The following SMYD3 variants were observed in gnomAD, a reference collection of about 807,000 sequenced individuals.
SMYD3 encodes the protein histone-lysine N-methyltransferase SMYD3.
In SMYD3, 36 loss-of-function variants were observed where a neutral mutation model predicts 57.7. The observed-to-expected ratio is 0.62, with a 90% CI of 0.48 to 0.82. SMYD3 has a LOEUF of 0.82. Among genes scored for constraint, SMYD3 ranks in the 40% least tolerant of loss-of-function variants. The pLI, the probability that SMYD3 is intolerant of heterozygous loss-of-function variation, is 0.00. For missense variants in SMYD3, 515 were observed against 538.8 expected (o/e 0.96, Z 0.44); for synonymous variants, 211 against 195.0 (o/e 1.08, Z -0.68).
intron 5 of SMYD3, among the ~76,000 whole-genome samples, chr1:246,102,330 T>C (rs2061029531): frequency 6.6e-6 from 1 of 152,204 alleles, no homozygotes. Context: ...CCTGAACCAC[T>C]GCACCGTCTC....
intron 5 of SMYD3, among the ~76,000 whole-genome samples, chr1:246,085,540 A>G (rs779961394): frequency 1.9e-4 from 29 of 152,164 alleles, no homozygotes; most frequent in Non-Finnish European, 3.2e-4. Context: ...GGGCATCCTT[A>G]TCTCCAAACA....
At chr1:245,924,159 T>C (rs950183971) in intron 7 of SMYD3, among the ~76,000 whole-genome samples, 1 of 152,212 alleles carries the variant, frequency 6.6e-6, no homozygotes, top group African/African-American at 2.4e-5. Context: ...CCAGCTTTCC[T>C]CCCTGATCCA....
At chr1:245,799,528 A>T (rs1182086195) in intron 10 of SMYD3, among the ~76,000 whole-genome samples, 3 of 152,240 alleles carry the variant, frequency 2.0e-5, no homozygotes, top group Admixed American at 2.0e-4. Context: ...TCATGACAAG[A>T]AGTAAATTTA....
chr1:246,397,894 A>C (rs1263310811), intron 1 of SMYD3, among the ~76,000 whole-genome samples: 1 of 138,338 alleles, frequency 7.2e-6, no homozygotes, highest in Non-Finnish European at 1.5e-5. Context: ...GGGTGGGGGC[A>C]CAAGACTGGT....
intron 10 of SMYD3, among the ~76,000 whole-genome samples, chr1:245,784,806 G>A (rs1157393877): frequency 6.6e-6 from 1 of 151,648 alleles, no homozygotes; most frequent in East Asian, 1.9e-4. Context: ...GCTTCATTTA[G>A]GGAAAACCAG....
chr1:245,916,713 T>A (rs1182505685), intron 7 of SMYD3, among the ~76,000 whole-genome samples: 2 of 152,162 alleles, frequency 1.3e-5, no homozygotes, highest in Admixed American at 6.5e-5. Context: ...AATGTAATAG[T>A]CTCACAACTG....
chr1:246,350,194 T>C (rs1361378413), intron 2 of SMYD3, among the ~76,000 whole-genome samples: 3 of 152,206 alleles, frequency 2.0e-5, no homozygotes, highest in South Asian at 2.1e-4. Flanking sequence ...ACAGGTGAGT[T>C]TGTGCTCACC....
chr1:246,454,232 G>A (rs763188072), intron 1 of SMYD3, among the ~76,000 whole-genome samples: 5 of 152,046 alleles, frequency 3.3e-5, no homozygotes, highest in East Asian at 1.9e-4. Context: ...TGCTTTAACC[G>A]TCACCATTAG....
intron 5 of SMYD3, among the ~76,000 whole-genome samples, chr1:246,278,750 T>C (rs2064385268): frequency 6.6e-6 from 1 of 152,216 alleles, no homozygotes; most frequent in African/African-American, 2.4e-5. Context: ...TGTGGACACC[T>C]GACCCACAGA....
intron 5 of SMYD3, among the ~76,000 whole-genome samples, chr1:246,270,812 C>T (rs569669981): frequency 1.3e-5 from 2 of 152,312 alleles, no homozygotes; most frequent in African/African-American, 4.8e-5. Flanking sequence ...ATCCTGCTTT[C>T]AATTCTTTTG....
intron 5 of SMYD3, among the ~76,000 whole-genome samples, chr1:246,285,907 T>G (rs2064551817): frequency 6.6e-6 from 1 of 151,952 alleles, no homozygotes; most frequent in South Asian, 2.1e-4. Context: ...TCACTAATGA[T>G]CAGGGAAACA....
intron 2 of SMYD3, among the ~76,000 whole-genome samples, chr1:246,339,000 C>T (rs1240088074): frequency 2.0e-5 from 3 of 150,992 alleles, no homozygotes; most frequent in African/African-American, 7.4e-5. Context: ...AACCAAATTC[C>T]ATGACGGTGG....
chr1:246,365,387 T>G (rs933344202), intron 1 of SMYD3, among the ~76,000 whole-genome samples: 4 of 149,882 alleles, frequency 2.7e-5, no homozygotes, highest in Non-Finnish European at 4.4e-5. Context: ...CCCAGCTACT[T>G]GGGAGGCTGA....
chr1:246,091,499 A>T (rs2060823372), intron 5 of SMYD3, among the ~76,000 whole-genome samples: 3 of 152,100 alleles, frequency 2.0e-5, no homozygotes. Context: ...GCACAAAAAA[A>T]AAAAAAAAAG....
At chr1:246,298,977 G>C (rs1208533645) in intron 5 of SMYD3, among the ~76,000 whole-genome samples, 4 of 152,154 alleles carry the variant, frequency 2.6e-5, no homozygotes, top group Non-Finnish European at 5.9e-5. Context: ...TAGCAAGGCT[G>C]TGAGTAAGCA....
intron 1 of SMYD3, among the ~76,000 whole-genome samples, chr1:246,379,630 G>T (rs568803008): frequency 6.6e-6 from 1 of 152,276 alleles, no homozygotes; most frequent in Non-Finnish European, 1.5e-5. Flanking sequence ...TTCTTAGCCT[G>T]AAAGCAACCA....
At chr1:245,866,548 A>G (rs1013458815) in intron 8 of SMYD3, among the ~76,000 whole-genome samples, 1 of 152,066 alleles carries the variant, frequency 6.6e-6, no homozygotes, top group Admixed American at 6.5e-5. Context: ...CCTGGCCAAC[A>G]TGACAAAACC....
intron 5 of SMYD3, among the ~76,000 whole-genome samples, chr1:246,041,438 C>T (rs2059870141): frequency 6.6e-6 from 1 of 152,158 alleles, no homozygotes; most frequent in Non-Finnish European, 1.5e-5. Context: ...CTGAAACCTA[C>T]ATAACAGCAT....
chr1:246,500,541 G>C (rs752724825), intron 1 of SMYD3, among the ~76,000 whole-genome samples: 1 of 152,138 alleles, frequency 6.6e-6, no homozygotes, highest in Non-Finnish European at 1.5e-5. Context: ...ATAATAACCC[G>C]ACACAAGGTG....
Sources: gnomAD v4.1 joint callset for allele counts (sites outside exome capture counted in the v4.1 genomes callset) on GRCh38, gnomAD v4.1.1 for gene constraint, MANE v1.5 for transcripts, NCBI Gene and HGNC (gene_info 2026-07-23, HGNC 2026-07-21) for gene names.